Variants in UPF1 observed in about 807,000 individuals in gnomAD.
UPF1 encodes UPF1 RNA helicase and ATPase, also known as regulator of nonsense transcripts 1.
Under a neutral mutation model 129.2 loss-of-function variants are expected in UPF1, and 9 were observed. The observed-to-expected ratio is 0.07, with a 90% CI of 0.04 to 0.12. UPF1 has a LOEUF of 0.12. UPF1 is among the 10% of genes least tolerant of loss of function. UPF1 has a pLI of 1.00. For synonymous variants in UPF1, 649 were observed against 644.9 expected (o/e 1.01, Z -0.10); for missense variants, 788 against 1,525.3 (o/e 0.52, Z 8.05).
In UPF1 at chr19:18,850,133, G is replaced by A; in HGVS notation, c.520G>A (p.Gly174Arg). ...KCKEVTLHKD[G>R]PLGETVLECY... ...CAAAGAGGTGACCCTGCACAAGGAC[G>A]GGCCCCTGGGGGAGACAGTCCTGGA... The change falls in exon 4 of 24, where the codon GGG (glycine) becomes AGG (arginine). Residue 174 changes from glycine to arginine, a missense_variant. Gly to Arg is a moderately radical substitution (Grantham distance 125). Transcript: ENST00000262803. The surrounding 1 kb of genome is among the most constrained non-coding windows in gnomAD (Gnocchi z 7.1). The A allele has an allele frequency of 6.2e-7, 1 of 1,614,236 alleles. No homozygotes were observed. The highest frequency in any genetic ancestry group is 8.5e-7 in the Non-Finnish European group (1 of 1,180,034).
At position 18,855,186 on chromosome 19, in the gene UPF1, G is replaced by A. The variant is rs761381959; in HGVS notation, c.1488G>A (p.Thr496=). 29 of 1,613,450 alleles carry A rather than the reference G, an allele frequency of 1.8e-5. No individual in the cohort carries two copies. The highest frequency in any genetic ancestry group is 6.6e-5 in the South Asian group (6 of 91,086). The part of the protein sequence containing the change: ...PLSLIQGPPG[T]GKTVTSATIV... ...GCCTGATCCAGGGCCCGCCAGGCAC[G>A]GGGAAGACGGTGACGTCGGCCACCA... The change falls in exon 11 of 24, where the codon ACG becomes ACA. Residue 496 remains threonine (T), a synonymous_variant. Transcript: ENST00000262803.
rs1448454249 is a variant in UPF1 at position 18,865,830 on chromosome 19, C to T, written c.3237+52C>T. The T allele has an allele frequency of 1.9e-6, 3 of 1,605,018 alleles. No individual in the cohort carries two copies. The African/African-American group carries it at 4.0e-5, about 21-fold the overall frequency. ...ACCTGAGTGAGGGTGGGGCTATGCA[C>T]CTGAAACATTCCCTCTGAAGAGCCC... is the stretch of plus-strand genomic sequence containing the variant. On this transcript the variant is annotated intron_variant, in intron 22 of 23. Coordinates refer to ENST00000262803, the MANE Select transcript of UPF1 (RefSeq NM_002911.4). This position sits in a 1 kb window ranked among gnomAD's most constrained non-coding sequence, Gnocchi z 6.1.
rs1238947711 is a variant in UPF1 at position 18,832,581 on chromosome 19, C to G, written c.231+141C>G. ...CCTGGGGCGATCTGCCCCGGGTCCC[C>G]TACTCTGGCTCGGCCTGAGCTTACC... On this transcript the variant is annotated intron_variant, in intron 1 of 23. Transcript: ENST00000262803. This position sits in a 1 kb window ranked among gnomAD's most constrained non-coding sequence, Gnocchi z 5.6. 1.7e-6 allele frequency: 1 copy of G among 584,618 alleles called. No homozygotes were observed. The highest frequency in any genetic ancestry group is 2.2e-6 in the Non-Finnish European group (1 of 463,030). 36.2% of individuals were successfully genotyped at this position (584,618 alleles called of 1,614,324 possible).
intron 1 of UPF1, among the ~76,000 whole-genome samples, chr19:18,842,902 G>A (rs901334290): frequency 2.0e-5 from 3 of 151,734 alleles, no homozygotes; most frequent in Non-Finnish European, 4.4e-5. Flanking sequence ...CAGGAGAATC[G>A]CTTGAACCCG....
chr19:18,852,915 C>T, intron 6 of UPF1, 72 bp from the exon 7 acceptor site: 1 of 1,318,570 alleles, frequency 7.6e-7, no homozygotes, highest in Non-Finnish European at 1.1e-6. Context: ...CTCATGGGGC[C>T]TCGGGCATGT....
At chr19:18,860,088 GC>G in intron 15 of UPF1, 2 of 541,258 alleles carry the variant, frequency 3.7e-6, no homozygotes, top group Non-Finnish European at 3.3e-6. Flanking sequence ...CAGGGGCTGA[GC>G]CAGCTCTGTG....
intron 13 of UPF1, 117 bp downstream of exon 13, chr19:18,856,417 T>C (rs2055718541): frequency 1.0e-6 from 1 of 989,660 alleles, no homozygotes; most frequent in Admixed American, 2.7e-5. Context: ...ACTTAGATGC[T>C]CTCTACTTGG....
chr19:18,863,480 G>A lies in UPF1; in HGVS notation c.2643G>A (p.Lys881=). 6.2e-7 allele frequency: 1 copy of A among 1,613,538 alleles called. No homozygotes were observed. The highest frequency in any genetic ancestry group is 8.5e-7 in the Non-Finnish European group (1 of 1,179,804). ...TGGGCAACCCGAAGGCACTATCAAA[G>A]CAGCCGCTCTGGAACCACCTGCTGA... The part of the protein sequence containing the change: ...IIVGNPKALS[K]QPLWNHLLNY... The change falls in exon 19 of 24, where the codon AAG becomes AAA. Residue 881 remains lysine, a synonymous_variant. Transcript: ENST00000262803.
At position 18,845,968 on chromosome 19, in the gene UPF1, G is replaced by T; in HGVS notation, c.232-12G>T. 1 of 1,613,490 alleles carries T rather than the reference G, an allele frequency of 6.2e-7. No homozygotes were observed. Among genetic ancestry groups the T allele is most frequent in the Non-Finnish European group, 8.5e-7 (1 of 1,179,872 alleles). On this transcript the variant is annotated splice_polypyrimidine_tract_variant and intron_variant, in intron 1 of 23. Coordinates refer to ENST00000262803, the MANE Select transcript of UPF1 (RefSeq NM_002911.4). Reference sequence around the variant, plus strand: ...TGCAGCCTCACTCAGGTGACACTGCGTTCTGCTGCAGGTTGGGCCCGAAGG... The same window carrying T: ...TGCAGCCTCACTCAGGTGACACTGCTTTCTGCTGCAGGTTGGGCCCGAAGG...
At position 18,850,060 on chromosome 19, in the gene UPF1, A is replaced by G; in HGVS notation, c.462-15A>G. The G allele has an allele frequency of 1.2e-6, 2 of 1,613,984 alleles. No homozygotes were observed. Among genetic ancestry groups the G allele is most frequent in the Non-Finnish European group, 1.7e-6 (2 of 1,179,962 alleles). On this transcript the variant is annotated splice_polypyrimidine_tract_variant and intron_variant, in intron 3 of 23. Coordinates refer to ENST00000262803, the MANE Select transcript of UPF1 (RefSeq NM_002911.4). This position sits in a 1 kb window ranked among gnomAD's most constrained non-coding sequence, Gnocchi z 7.1. ...AAATTTTGGGTGTTAACCGTTTATCATTTCCTGGTTTCAGCCACATTGTAA... is the reference window on the plus strand; with the variant it reads ...AAATTTTGGGTGTTAACCGTTTATCGTTTCCTGGTTTCAGCCACATTGTAA...
chr19:18,866,314 G>A lies in UPF1; in HGVS notation c.*3+148G>A, dbSNP rs548002152. 159 of 1,293,288 alleles carry A rather than the reference G, an allele frequency of 1.2e-4. 1 individual carries two copies. The South Asian group carries it at 1.7e-3, about 14-fold the overall frequency. The allele number at this position is 1,293,288 out of a possible 1,614,324, so 80.1% of individuals were successfully genotyped here. ...GGTCATAGGCCCTCAGGGCCAGCTT[G>A]GCCTGTGCCCTTCACTGCTAGTCAG... On this transcript the variant is annotated intron_variant, in intron 23 of 23. Coordinates refer to ENST00000262803, the MANE Select transcript of UPF1 (RefSeq NM_002911.4).
intron 2 of UPF1, among the ~76,000 whole-genome samples, chr19:18,846,403 C>T (rs1300615326): frequency 6.6e-6 from 1 of 152,088 alleles, no homozygotes; most frequent in East Asian, 1.9e-4. Flanking sequence ...TGCCTGGTAC[C>T]TGCGCACTCA....
chr19:18,834,241 A>AT (rs1253514914), intron 1 of UPF1, among the ~76,000 whole-genome samples: 2 of 152,206 alleles, frequency 1.3e-5, no homozygotes, highest in Non-Finnish European at 2.9e-5. Context: ...GAGACTCGGT[A>AT]AAGATCTCTG....
chr19:18,835,690 C>A (rs2055476677), intron 1 of UPF1, among the ~76,000 whole-genome samples: 1 of 152,156 alleles, frequency 6.6e-6, no homozygotes. Context: ...GTGGAATGGT[C>A]CAGATGGATG....
In UPF1 at chr19:18,856,897, C is replaced by T. The variant is rs1480058681; in HGVS notation, c.1845C>T (p.Cys615=). The change falls in exon 14 of 24, where the codon TGC becomes TGT. Residue 615 remains cysteine (C), a synonymous_variant. Coordinates refer to ENST00000262803, the MANE Select transcript of UPF1 (RefSeq NM_002911.4). ...CCCAGAACGCAGATGTCATCTGCTG[C>T]ACATGTGTGGGCGCCGGTGACCCGA... is the stretch of plus-strand genomic sequence containing the variant. ...ELLMNADVIC[C]TCVGAGDPRL... is the part of the protein sequence containing the mutation. The T allele has an allele frequency of 3.1e-6, 5 of 1,611,864 alleles. No homozygotes were observed. The highest frequency in any genetic ancestry group is 2.2e-5 in the South Asian group (2 of 90,992).
Position 18,850,396 on chromosome 19 carries a change from A to C in UPF1, c.629+154A>C, listed in dbSNP as rs1293813682. Among the ~76,000 whole-genome samples, 1 of 152,238 alleles carries C rather than the reference A, an allele frequency of 6.6e-6. No individual in the cohort carries two copies. The highest frequency in any genetic ancestry group is 1.5e-5 in the Non-Finnish European group (1 of 68,042). On this transcript the variant is annotated intron_variant, in intron 4 of 23. Coordinates refer to ENST00000262803, the MANE Select transcript of UPF1 (RefSeq NM_002911.4). This position sits in a 1 kb window ranked among gnomAD's most constrained non-coding sequence, Gnocchi z 7.1. ...TGAAGGGTGAGGCATGAGAGCGTTT[A>C]GGCGCTGAGGCTTGTTAAGGAGTCG...
chr19:18,850,413 A>G lies in UPF1; in HGVS notation c.629+171A>G, dbSNP rs973192982. On this transcript the variant is annotated intron_variant, in intron 4 of 23. Coordinates refer to ENST00000262803, the MANE Select transcript of UPF1 (RefSeq NM_002911.4). This position sits in a 1 kb window ranked among gnomAD's most constrained non-coding sequence, Gnocchi z 7.1. ...GAGCGTTTAGGCGCTGAGGCTTGTTAAGGAGTCGGCAGTGCCGTGTAACTC... is the reference window on the plus strand; with the variant it reads ...GAGCGTTTAGGCGCTGAGGCTTGTTGAGGAGTCGGCAGTGCCGTGTAACTC... Among the ~76,000 whole-genome samples the G allele has an allele frequency of 3.3e-5, 5 of 152,252 alleles. No homozygotes were observed. The highest frequency in any genetic ancestry group is 7.3e-5 in the Non-Finnish European group (5 of 68,042).
intron 15 of UPF1, 164 bp from the exon 16 acceptor site, chr19:18,860,157 G>T: frequency 1.4e-6 from 1 of 720,224 alleles, no homozygotes; most frequent in Non-Finnish European, 2.4e-6. Flanking sequence ...GGGCATCTCT[G>T]GCCAGGGGAC....
chr19:18,847,620 G>T, intron 2 of UPF1, 124 bp from the exon 3 acceptor site: 1 of 819,762 alleles, frequency 1.2e-6, no homozygotes, highest in Non-Finnish European at 2.0e-6. Context: ...TGGGATTGTT[G>T]GGGTTGAGTA....
Sources: allele counts gnomAD v4.1 joint callset (sites outside exome capture counted in the v4.1 genomes callset), GRCh38; gene constraint gnomAD v4.1.1; non-coding constraint Gnocchi (gnomAD v3.1); transcripts MANE v1.5; gene names NCBI Gene and HGNC (gene_info 2026-07-23, HGNC 2026-07-21).